IMPG2: variants seen among roughly 807,000 people sequenced by gnomAD.
IMPG2 encodes interphotoreceptor matrix proteoglycan 2.
A neutral mutation model predicts 129.2 loss-of-function variants in IMPG2; 91 were observed. The observed-to-expected ratio is 0.70, with a 90% CI of 0.59 to 0.84. The LOEUF (loss-of-function observed/expected upper bound fraction) is 0.84. IMPG2 is among the 40% of genes least tolerant of loss of function. IMPG2 has a pLI of 0.00. For synonymous variants in IMPG2, 510 were observed against 517.7 expected (o/e 0.99, Z 0.20); for missense variants, 1,430 against 1,461.7 (o/e 0.98, Z 0.35).
At chr3:101,284,118 G>A (rs1706921288) in intron 4 of IMPG2, among the ~76,000 whole-genome samples, 1 of 152,162 alleles carries the variant, frequency 6.6e-6, no homozygotes, top group Admixed American at 6.6e-5. Flanking sequence ...GAAATATAAA[G>A]CATGATCACA....
In IMPG2 at chr3:101,246,096, A is replaced by C. The variant is rs770933335; in HGVS notation, c.1249T>G (p.Phe417Val). 1 of 1,614,040 alleles carries C rather than the reference A, an allele frequency of 6.2e-7. No homozygotes were observed. Among genetic ancestry groups the C allele is most frequent in the Non-Finnish European group, 8.5e-7 (1 of 1,179,958 alleles). ...ATPSSILDNT[F>V]QAAWPSADES... Reference sequence around the variant, plus strand: ...TCTGCTGAGGGCCATGCAGCTTGAAAGGTATTATCCTGGGGGGAAAAAAAG... The same window carrying C: ...TCTGCTGAGGGCCATGCAGCTTGAACGGTATTATCCTGGGGGGAAAAAAAG... Residue 417 changes from phenylalanine to valine, a missense_variant, in exon 12 of 19, where the codon TTT (phenylalanine) becomes GTT (valine). Phe to Val is a conservative substitution (Grantham distance 50, BLOSUM62 -1). Transcript: ENST00000193391.
At chr3:101,247,185 G>T (rs777313450) in intron 11 of IMPG2, among the ~76,000 whole-genome samples, 1 of 152,114 alleles carries the variant, frequency 6.6e-6, no homozygotes, top group Non-Finnish European at 1.5e-5. Context: ...GTCTATTCTG[G>T]ATTCTGAATA....
chr3:101,227,741 G>A (rs1706240066), intron 18 of IMPG2: 2 of 453,080 alleles, frequency 4.4e-6, no homozygotes, highest in Non-Finnish European at 8.9e-6. Flanking sequence ...CAAGTCAGAT[G>A]TTCAGAGATT....
At position 101,273,656 on chromosome 3, in the gene IMPG2, C is replaced by T. The variant is rs1706811061; in HGVS notation, c.753G>A (p.Gly251=). The T allele has an allele frequency of 3.1e-6, 5 of 1,613,942 alleles. No individual in the cohort carries two copies. The South Asian group carries it at 4.4e-5, about 14-fold the overall frequency. The change falls in exon 7 of 19, where the codon GGG becomes GGA. Residue 251 remains glycine, a synonymous_variant. Coordinates refer to ENST00000193391, the MANE Select transcript of IMPG2 (RefSeq NM_016247.4). ...QIAEFSIHLL[G]KQYREELQDS... ...CCTGTAGTTCTTCCCTGTACTGCTTCCCCAAAAGGTGGATACTGAATTCTG... is the reference window on the plus strand; with the variant it reads ...CCTGTAGTTCTTCCCTGTACTGCTTTCCCAAAAGGTGGATACTGAATTCTG...
intron 7 of IMPG2, among the ~76,000 whole-genome samples, chr3:101,273,009 GAATTTTCCCAGAAA>G (rs1706803823): frequency 6.6e-6 from 1 of 152,070 alleles, no homozygotes; most frequent in Non-Finnish European, 1.5e-5. Flanking sequence ...GTCCTATATA[GAATTTTCCCAGAAA>G]GTGAAGTTAT....
chr3:101,246,243 A>C (rs1706477175), intron 11 of IMPG2, 138 bp from the exon 12 acceptor site: 5 of 742,264 alleles, frequency 6.7e-6, no homozygotes, highest in Non-Finnish European at 1.1e-5. Context: ...TAGGAGTAGG[A>C]GGAGACATGG....
chr3:101,241,326 A>G (rs1194836265), intron 14 of IMPG2, among the ~76,000 whole-genome samples: 1 of 152,246 alleles, frequency 6.6e-6, no homozygotes, highest in East Asian at 1.9e-4. Flanking sequence ...CACATGGGTG[A>G]GCAGGAGTCA....
chr3:101,260,754 A>G (rs1316159508), intron 9 of IMPG2, among the ~76,000 whole-genome samples: 6 of 152,132 alleles, frequency 3.9e-5, no homozygotes, highest in Non-Finnish European at 4.4e-5. Flanking sequence ...TCCCAGGGAA[A>G]CTTCTTTTTA....
intron 14 of IMPG2, among the ~76,000 whole-genome samples, chr3:101,236,696 G>A (rs114546653): frequency 2.0e-3 from 307 of 152,300 alleles, no homozygotes; most frequent in African/African-American, 6.9e-3. Context: ...CACTGTCTTC[G>A]TAACCTGCAG....
intron 5 of IMPG2, 41 bp from the exon 6 acceptor site, chr3:101,275,786 C>T (rs773697331): frequency 7.2e-6 from 10 of 1,389,624 alleles, no homozygotes; most frequent in Non-Finnish European, 1.0e-5. Flanking sequence ...ATTCAGTCCT[C>T]GATTAAGTCA....
chr3:101,310,765 T>A (rs531595898), intron 2 of IMPG2, among the ~76,000 whole-genome samples: 6 of 152,112 alleles, frequency 3.9e-5, no homozygotes, highest in Non-Finnish European at 8.8e-5. Flanking sequence ...TTGGAAGGAA[T>A]ATGGGAGAGC....
At chr3:101,291,063 C>T (rs1707004699) in intron 4 of IMPG2, among the ~76,000 whole-genome samples, 1 of 152,122 alleles carries the variant, frequency 6.6e-6, no homozygotes, top group Non-Finnish European at 1.5e-5. Context: ...TATGCTATTC[C>T]TATGTTTCAA....
intron 3 of IMPG2, among the ~76,000 whole-genome samples, chr3:101,291,947 C>CA (rs1444018844): frequency 2.0e-5 from 3 of 152,038 alleles, no homozygotes; most frequent in African/African-American, 4.8e-5. Context: ...AGAATTCAGA[C>CA]AAAAAAGACA....
intron 2 of IMPG2, among the ~76,000 whole-genome samples, chr3:101,316,240 A>C (rs183596374): frequency 6.6e-6 from 1 of 152,170 alleles, no homozygotes; most frequent in East Asian, 1.9e-4. Context: ...ATGCTCCCCC[A>C]AAAAGCCTGA....
intron 3 of IMPG2, 137 bp downstream of exon 3, chr3:101,304,009 G>A: frequency 1.2e-6 from 1 of 831,520 alleles, no homozygotes; most frequent in Non-Finnish European, 2.1e-6. Context: ...CACACCCTAG[G>A]GCAGCTTACT....
intron 10 of IMPG2, among the ~76,000 whole-genome samples, chr3:101,256,205 GAAAGAA>G (rs1468551332): frequency 4.8e-5 from 7 of 146,034 alleles, no homozygotes; most frequent in African/African-American, 1.0e-4. Context: ...AAGAAAGAAA[GAAAGAA>G]AGAAAGAAAA....
intron 9 of IMPG2, among the ~76,000 whole-genome samples, chr3:101,265,379 T>C (rs1184028307): frequency 1.3e-5 from 2 of 151,834 alleles, no homozygotes; most frequent in Admixed American, 6.6e-5. Flanking sequence ...GAATAGAGAA[T>C]CCAGAAATCA....
chr3:101,272,955 C>T (rs369475905), intron 7 of IMPG2, among the ~76,000 whole-genome samples: 113 of 152,108 alleles, frequency 7.4e-4, no homozygotes, highest in African/African-American at 2.5e-3. Context: ...GCAAACTAGA[C>T]GGGGACTATG....
intron 14 of IMPG2, among the ~76,000 whole-genome samples, chr3:101,235,118 C>G (rs969194761): frequency 1.3e-5 from 2 of 152,140 alleles, no homozygotes; most frequent in Non-Finnish European, 2.9e-5. Flanking sequence ...TATATTGAAC[C>G]ACCAGAAAGC....
Sources: allele counts gnomAD v4.1 joint callset (sites outside exome capture counted in the v4.1 genomes callset), GRCh38; gene constraint gnomAD v4.1.1; transcripts MANE v1.5; gene names NCBI Gene and HGNC (gene_info 2026-07-23, HGNC 2026-07-21).